DSG4: variants seen among roughly 807,000 people sequenced by gnomAD.
The protein encoded by DSG4 is desmoglein-4.
In DSG4, 87 loss-of-function variants were observed where a neutral mutation model predicts 93.1. That is an observed-to-expected ratio of 0.93 (90% CI 0.79 to 1.12). The LOEUF (loss-of-function observed/expected upper bound fraction) is 1.12. Ranked by LOEUF, DSG4 falls within the 50% of genes most tolerant of loss-of-function variation. The pLI is 0.00. For missense variants in DSG4, 1,373 were observed against 1,285.7 expected (o/e 1.07, Z -1.04); for synonymous variants, 432 against 452.9 (o/e 0.95, Z 0.59).
At chr18:31,394,152 A>G (rs2072279096) in intron 8 of DSG4, among the ~76,000 whole-genome samples, 1 of 152,198 alleles carries the variant, frequency 6.6e-6, no homozygotes, top group African/African-American at 2.4e-5. Flanking sequence ...AGTTGCTGAT[A>G]TGAATACTTG....
At position 31,414,235 on chromosome 18, in the gene DSG4, T is replaced by G. The variant is rs1386818981; in HGVS notation, c.*640T>G. On this transcript the variant is annotated 3_prime_UTR_variant, in exon 16 of 16. Coordinates refer to ENST00000308128, the MANE Select transcript of DSG4 (RefSeq NM_177986.5). ...GGTTCATCAAAGAAAAATATATATT[T>G]TTATTGAACTTTATTGATTTATATG... is the stretch of plus-strand genomic sequence containing the variant. 6.6e-6 allele frequency: 1 copy of G among 152,160 alleles called. No individual in the cohort carries two copies. Among genetic ancestry groups the G allele is most frequent in the Non-Finnish European group, 1.5e-5 (1 of 68,038 alleles). 9.4% of individuals were successfully genotyped at this position (152,160 alleles called of 1,614,324 possible).
intron 1 of DSG4, among the ~76,000 whole-genome samples, chr18:31,381,163 T>A (rs997878696): frequency 2.0e-5 from 3 of 152,208 alleles, no homozygotes; most frequent in African/African-American, 7.2e-5. Flanking sequence ...CCAAGTCACT[T>A]AATCATATAT....
In DSG4 at chr18:31,399,517, C is replaced by A; in HGVS notation, c.1251C>A (p.Asp417Glu). ...VLGTYTAIDLDTGNPATDVRY... is the reference protein window; with the variant it reads ...VLGTYTAIDLETGNPATDVRY... The stretch of plus-strand genomic sequence containing the variant: ...GCACATATACAGCCATAGATTTGGA[C>A]ACAGGAAACCCTGCAACAGATGTCA... Residue 417 changes from aspartate to glutamate, a missense_variant, in exon 9 of 16, where the codon GAC becomes GAA. Asp to Glu is a conservative substitution (Grantham distance 45). Transcript: ENST00000308128. The A allele has an allele frequency of 6.2e-7, 1 of 1,613,964 alleles. No homozygotes were observed. Among genetic ancestry groups the A allele is most frequent in the Non-Finnish European group, 8.5e-7 (1 of 1,179,920 alleles).
At chr18:31,377,536 A>G (rs1206953828) in intron 1 of DSG4, among the ~76,000 whole-genome samples, 1 of 152,240 alleles carries the variant, frequency 6.6e-6, no homozygotes, top group Non-Finnish European at 1.5e-5. Context: ...ATGCATTCCT[A>G]CAGACCAGCA....
At chr18:31,401,394 T>C (rs2072364476) in intron 10 of DSG4, among the ~76,000 whole-genome samples, 1 of 152,152 alleles carries the variant, frequency 6.6e-6, no homozygotes, top group East Asian at 1.9e-4. Context: ...GATCACCTTG[T>C]GGGAAAGCAA....
rs529358153 is a variant in DSG4, at chr18:31,404,100, TA to T, written c.1636+467del. 2.6e-3 allele frequency among the ~76,000 whole-genome samples: 389 copies of T among 152,308 alleles called. 2 individuals are homozygous for T. Among genetic ancestry groups the T allele is most frequent in the African/African-American group, 9.2e-3 (381 of 41,582 alleles). ...ACATAAAATCAATTAAATTGTTTTT[TA>T]CAGTAACTATGAGTTCAGACTTATT... is the stretch of plus-strand genomic sequence containing the variant. On this transcript the variant is annotated intron_variant, in intron 11 of 15. Coordinates refer to ENST00000308128, the MANE Select transcript of DSG4 (RefSeq NM_177986.5).
rs757345992 is a variant in DSG4 at position 31,389,032 on chromosome 18, C to T, written c.517+14C>T. ...ATAGTGATGCCAGTAAGTAGAATGA[C>T]ATTCCTTCTCTACGTCACAGCATAT... On this transcript the variant is annotated intron_variant, in intron 5 of 15. Coordinates refer to ENST00000308128, the MANE Select transcript of DSG4 (RefSeq NM_177986.5). 1 of 1,612,454 alleles carries T rather than the reference C, an allele frequency of 6.2e-7. No homozygotes were observed. Among genetic ancestry groups the T allele is most frequent in the East Asian group, 2.2e-5 (1 of 44,830 alleles).
At chr18:31,396,132 T>A (rs1396339002) in intron 8 of DSG4, among the ~76,000 whole-genome samples, 1 of 151,852 alleles carries the variant, frequency 6.6e-6, no homozygotes, top group African/African-American at 2.4e-5. Context: ...TGTGTGTGTA[T>A]ATATATATAC....
rs575024446 is a variant in DSG4, at chr18:31,411,149, G to A, written c.2138-82G>A. The A allele has an allele frequency of 1.3e-4, 206 of 1,613,602 alleles. No homozygotes were observed. The African/African-American group carries it at 2.1e-3, about 16-fold the overall frequency. On this transcript the variant is annotated intron_variant, in intron 14 of 15. Transcript: ENST00000308128. Reference sequence around the variant, plus strand: ...CGCCTTGCCGGGTGGTGGTGGCACCGCAGACGGCGGCGGCAGCGTTTTAGG... The same window carrying A: ...CGCCTTGCCGGGTGGTGGTGGCACCACAGACGGCGGCGGCAGCGTTTTAGG...
intron 14 of DSG4, among the ~76,000 whole-genome samples, 157 bp downstream of exon 14, chr18:31,409,965 T>G (rs569494245): frequency 8.7e-4 from 132 of 152,318 alleles, no homozygotes; most frequent in African/African-American, 3.0e-3. Context: ...AGCCACTTTT[T>G]TTTTCTATCT....
At chr18:31,403,712 T>A in intron 11 of DSG4, 78 bp downstream of exon 11, 1 of 1,277,510 alleles carries the variant, frequency 7.8e-7, no homozygotes, top group Non-Finnish European at 1.1e-6. Context: ...GCAAGTCACT[T>A]AATAAAACAT....
rs1598755464 is a variant in DSG4, at chr18:31,411,575, T to A, written c.2355+127T>A. 4.3e-6 allele frequency: 5 copies of A among 1,170,698 alleles called. No homozygotes were observed. The East Asian group carries it at 7.6e-5, about 18-fold the overall frequency. 72.5% of individuals were successfully genotyped at this position (1,170,698 alleles called of 1,614,324 possible). ...TTCTCAACCCTATCCCAAACCTGAA[T>A]AAAAAGTATTTCACGTCTCCTTAAA... On this transcript the variant is annotated intron_variant, in intron 15 of 15. Transcript: ENST00000308128.
intron 4 of DSG4, 89 bp downstream of exon 4, chr18:31,388,611 G>C: frequency 6.5e-7 from 1 of 1,535,602 alleles, no homozygotes; most frequent in Non-Finnish European, 8.9e-7. Flanking sequence ...GATTACTTTT[G>C]ATAAAACATG....
chr18:31,399,481 T>C lies in DSG4; in HGVS notation c.1215T>C (p.Asn405=), dbSNP rs778479416. The C allele has an allele frequency of 6.2e-7, 1 of 1,614,100 alleles. No individual in the cohort carries two copies. The highest frequency in any genetic ancestry group is 2.2e-5 in the East Asian group (1 of 44,874). ...REGIKGSSLL[N]YVLGTYTAID... Reference sequence around the variant, plus strand: ...GAATAAAAGGAAGTTCCTTATTGAATTATGTGCTTGGCACATATACAGCCA... The same window carrying C: ...GAATAAAAGGAAGTTCCTTATTGAACTATGTGCTTGGCACATATACAGCCA... Residue 405 remains asparagine, a synonymous_variant, in exon 9 of 16, where the codon AAT becomes AAC. Coordinates refer to ENST00000308128, the MANE Select transcript of DSG4 (RefSeq NM_177986.5).
At chr18:31,386,628 T>C (rs755468502) in intron 2 of DSG4, 60 bp from the exon 3 acceptor site, 25 of 1,604,572 alleles carry the variant, frequency 1.6e-5, no homozygotes, top group Non-Finnish European at 2.1e-5. Context: ...ATTAAATAAA[T>C]GTCCTTTCTA....
chr18:31,406,466 C>G, intron 12 of DSG4, 93 bp downstream of exon 12: 4 of 1,508,466 alleles, frequency 2.7e-6, no homozygotes, highest in Non-Finnish European at 3.7e-6. Context: ...GGAGCCATTT[C>G]TTTTTGGTAT....
intron 11 of DSG4, among the ~76,000 whole-genome samples, chr18:31,405,244 A>C (rs1452566630): frequency 6.6e-6 from 1 of 152,234 alleles, no homozygotes; most frequent in African/African-American, 2.4e-5. Context: ...TATTTTAGAC[A>C]ATATGTTTTA....
At chr18:31,410,689 G>A (rs779963213) in intron 14 of DSG4, among the ~76,000 whole-genome samples, 10 of 152,196 alleles carry the variant, frequency 6.6e-5, no homozygotes, top group African/African-American at 9.7e-5. Flanking sequence ...ATATGGCAAT[G>A]ATTGCACCAA....
chr18:31,399,213 T>G, intron 8 of DSG4, 59 bp from the exon 9 acceptor site: 2 of 1,606,684 alleles, frequency 1.2e-6, no homozygotes, highest in Non-Finnish European at 1.7e-6. Context: ...CATGGCTTCT[T>G]ACTTTATCGA....
Sources: gnomAD v4.1 joint callset for allele counts (sites outside exome capture counted in the v4.1 genomes callset) on GRCh38, gnomAD v4.1.1 for gene constraint, MANE v1.5 for transcripts, NCBI Gene and HGNC (gene_info 2026-07-23, HGNC 2026-07-21) for gene names.